ADCY9: variants seen among roughly 807,000 people sequenced by gnomAD.
ADCY9 encodes the protein adenylate cyclase 9.
A neutral mutation model predicts 101.5 loss-of-function variants in ADCY9; 50 were observed. The observed-to-expected ratio is 0.49, with a 90% confidence interval of 0.39 to 0.62. ADCY9 has a LOEUF of 0.62. Ranked by LOEUF, ADCY9 falls within the 20% of genes least tolerant of loss-of-function variation. The pLI, the probability that ADCY9 is intolerant of heterozygous loss-of-function variation, is 0.00. For synonymous variants in ADCY9, 905 were observed against 769.3 expected (o/e 1.18, Z -2.92); for missense variants, 1,662 against 1,800.4 (o/e 0.92, Z 1.39).
At chr16:4,081,363 G>T (rs1329111014) in intron 2 of ADCY9, among the ~76,000 whole-genome samples, 2 of 152,210 alleles carry the variant, frequency 1.3e-5, no homozygotes, top group Non-Finnish European at 2.9e-5. Flanking sequence ...ATGGCTCCCT[G>T]ACTCCAGAGG....
At chr16:3,995,383 G>T (rs1052237881) in intron 3 of ADCY9, among the ~76,000 whole-genome samples, 2 of 152,142 alleles carry the variant, frequency 1.3e-5, no homozygotes, top group Non-Finnish European at 2.9e-5. Context: ...AGCTTTGATG[G>T]TGCCACTGCA....
chr16:3,998,240 A>G (rs929969284), intron 3 of ADCY9, among the ~76,000 whole-genome samples: 1 of 151,944 alleles, frequency 6.6e-6, no homozygotes, highest in African/African-American at 2.4e-5. Context: ...TCTCTACAAA[A>G]GCTTTTTAAA....
At chr16:4,074,966 A>G (rs2056857987) in intron 2 of ADCY9, among the ~76,000 whole-genome samples, 1 of 152,148 alleles carries the variant, frequency 6.6e-6, no homozygotes, top group Non-Finnish European at 1.5e-5. Context: ...GCTTGAGCCC[A>G]GGAGTTCAAG....
intron 3 of ADCY9, among the ~76,000 whole-genome samples, chr16:4,005,795 A>T (rs113352140): frequency 0.011 from 1,657 of 152,278 alleles, 26 homozygotes; most frequent in African/African-American, 0.038. Flanking sequence ...AAACACAACG[A>T]ATTATATATT....
chr16:3,987,338 A>T (rs1327006873), intron 6 of ADCY9, among the ~76,000 whole-genome samples: 1 of 152,162 alleles, frequency 6.6e-6, no homozygotes, highest in African/African-American at 2.4e-5. Context: ...TGGTGCCTGG[A>T]GGAAGGCATG....
chr16:4,065,865 G>A (rs554587496), intron 2 of ADCY9, among the ~76,000 whole-genome samples: 27 of 152,242 alleles, frequency 1.8e-4, no homozygotes, highest in African/African-American at 5.1e-4. Context: ...TGCCACACCC[G>A]GCTCAGTTTT....
intron 5 of ADCY9, among the ~76,000 whole-genome samples, chr16:3,955,584 C>T (rs1411306360): frequency 6.6e-6 from 1 of 152,108 alleles, no homozygotes; most frequent in Non-Finnish European, 1.5e-5. Context: ...TGCTCTGTTG[C>T]CCAGGCTGGA....
At chr16:4,087,608 A>C (rs1302125301) in intron 2 of ADCY9, among the ~76,000 whole-genome samples, 1 of 151,414 alleles carries the variant, frequency 6.6e-6, no homozygotes, top group Non-Finnish European at 1.5e-5. Context: ...TACTCTGCAC[A>C]GTTCAGGGAG....
At chr16:3,996,358 C>T (rs939640195) in intron 3 of ADCY9, among the ~76,000 whole-genome samples, 2 of 152,242 alleles carry the variant, frequency 1.3e-5, no homozygotes, top group Non-Finnish European at 2.9e-5. Flanking sequence ...CAAACCCATT[C>T]TCAAAATACA....
rs117965497 is a variant in ADCY9 at position 4,038,104 on chromosome 16, G to A, written c.1694-30546C>T. Among the ~76,000 whole-genome samples the A allele has an allele frequency of 3.7e-4, 56 of 152,142 alleles. No homozygotes were observed. In the East Asian group the frequency reaches 8.5e-3, roughly 23 times the overall value. The stretch of plus-strand genomic sequence containing the variant: ...GCCTAGGCAACACAGCGAAGACTCC[G>A]TCTCTACAAAAACAAAATTGTTTTT... On this transcript the variant is annotated intron_variant, in intron 2 of 10. Transcript: ENST00000294016.
chr16:3,967,504 C>T (rs2056009795), intron 10 of ADCY9, among the ~76,000 whole-genome samples: 1 of 151,956 alleles, frequency 6.6e-6, no homozygotes, highest in Admixed American at 6.6e-5. Flanking sequence ...GATCCTCCTG[C>T]CCAGCCTCCT....
rs1468050581 is a variant in ADCY9, at chr16:3,964,845, G to A, written c.*930C>T. On this transcript the variant is annotated 3_prime_UTR_variant, in exon 11 of 11. Coordinates refer to ENST00000294016, the MANE Select transcript of ADCY9 (RefSeq NM_001116.4). ...TGTGGCTATGACCCCCCACCCTGAG[G>A]ACCCAGCACCCCTCCCGGGAGCGCA... 6.6e-6 allele frequency: 1 copy of A among 152,218 alleles called. No individual in the cohort carries two copies. The highest frequency in any genetic ancestry group is 2.4e-5 in the African/African-American group (1 of 41,440). 9.4% of individuals were successfully genotyped at this position (152,218 alleles called of 1,614,324 possible). A position where few individuals can be genotyped will look rare whatever the true frequency, so the allele number is the denominator to read the frequency against.
At chr16:4,013,368 C>T (rs568613981) in intron 2 of ADCY9, among the ~76,000 whole-genome samples, 12 of 152,158 alleles carry the variant, frequency 7.9e-5, no homozygotes, top group African/African-American at 2.9e-4. Flanking sequence ...TTGCAGTGAG[C>T]TGAGATCGTG....
chr16:4,081,877 C>T (rs1187190337), intron 2 of ADCY9, among the ~76,000 whole-genome samples: 1 of 74,716 alleles, frequency 1.3e-5, no homozygotes, highest in Non-Finnish European at 2.5e-5. Flanking sequence ...AGAAAGGGGG[C>T]GGCGGGGGAG....
At chr16:4,041,191 T>C (rs1382515464) in intron 2 of ADCY9, among the ~76,000 whole-genome samples, 1 of 152,174 alleles carries the variant, frequency 6.6e-6, no homozygotes. Context: ...ATTTCTACCC[T>C]TATTTTTTCC....
At chr16:3,975,816 T>G (rs2056088154) in intron 9 of ADCY9, among the ~76,000 whole-genome samples, 1 of 152,216 alleles carries the variant, frequency 6.6e-6, no homozygotes, top group South Asian at 2.1e-4. Context: ...AGAAATTTAT[T>G]ACATGAATGG....
At chr16:4,075,797 C>T (rs978394229) in intron 2 of ADCY9, among the ~76,000 whole-genome samples, 1 of 152,054 alleles carries the variant, frequency 6.6e-6, no homozygotes, top group African/African-American at 2.4e-5. Flanking sequence ...GGAGATGCTA[C>T]TGGATCTTGT....
intron 2 of ADCY9, among the ~76,000 whole-genome samples, chr16:4,097,557 T>TCA (rs1567147096): frequency 1.3e-5 from 1 of 79,698 alleles, no homozygotes; most frequent in African/African-American, 7.7e-5. Context: ...ATATATATTT[T>TCA]TTTTTTTTTT....
chr16:3,969,569 A>AATATACATAT (rs1555505621), intron 10 of ADCY9, among the ~76,000 whole-genome samples: 1 of 45,228 alleles, frequency 2.2e-5, no homozygotes, highest in African/African-American at 6.6e-5. Context: ...GTTTGTTTGA[A>AATATACATAT]ATATATATAT....
Sources: allele counts gnomAD v4.1 joint callset (sites outside exome capture counted in the v4.1 genomes callset), GRCh38; gene constraint gnomAD v4.1.1; transcripts MANE v1.5; gene names NCBI Gene and HGNC (gene_info 2026-07-23, HGNC 2026-07-21).